The following RXFP1 variants were observed in gnomAD, a reference collection of about 807,000 sequenced individuals.
The protein encoded by RXFP1 is relaxin family peptide receptor 1.
RXFP1 carries 73 observed loss-of-function variants against 89.8 expected under a neutral mutation model. The observed-to-expected ratio is 0.81, with a 90% CI of 0.67 to 0.99. RXFP1 has a LOEUF of 0.99. RXFP1 is among the 50% of genes least tolerant of loss of function. The pLI is 0.00. For missense variants in RXFP1, 793 were observed against 895.5 expected, an observed-to-expected ratio of 0.89 and a Z score of 1.46; for synonymous variants, 277 against 305.5, an observed-to-expected ratio of 0.91 and a Z score of 0.97.
chr4:158,534,920 AT>A (rs1744944291), intron 1 of RXFP1, among the ~76,000 whole-genome samples: 1 of 147,950 alleles, frequency 6.8e-6, no homozygotes, highest in Admixed American at 6.8e-5. Context: ...TAATAAAATA[AT>A]TTATATTGTT....
intron 1 of RXFP1, among the ~76,000 whole-genome samples, chr4:158,535,341 A>T (rs1401804695): frequency 6.6e-6 from 1 of 152,234 alleles, no homozygotes; most frequent in Admixed American, 6.5e-5. Context: ...TAGTAATTCA[A>T]ATCGAGGTTT....
intron 3 of RXFP1, among the ~76,000 whole-genome samples, chr4:158,598,021 T>G (rs1288484120): frequency 6.6e-6 from 1 of 152,102 alleles, no homozygotes; most frequent in Non-Finnish European, 1.5e-5. Flanking sequence ...TCTGGAGATA[T>G]TTGGGAGGAG....
At chr4:158,559,268 T>C (rs1267619425) in intron 1 of RXFP1, among the ~76,000 whole-genome samples, 1 of 152,194 alleles carries the variant, frequency 6.6e-6, no homozygotes, top group Non-Finnish European at 1.5e-5. Context: ...ATCATGCCAC[T>C]GCACTCCAGC....
At chr4:158,538,839 G>T (rs6827201) in intron 1 of RXFP1, among the ~76,000 whole-genome samples, 33,466 of 150,736 alleles carry the variant, frequency 0.22, 5,345 homozygotes, top group African/African-American at 0.44. Flanking sequence ...GTACAAAAAT[G>T]GTCATATAAT....
chr4:158,653,365 A>G lies in RXFP1; in HGVS notation c.*1310A>G, dbSNP rs1348403068. On this transcript the variant is annotated 3_prime_UTR_variant, in exon 18 of 18. Coordinates refer to ENST00000307765, the MANE Select transcript of RXFP1 (RefSeq NM_021634.4). ...AAAATAAATTATCTGAAATTTAACT[A>G]TTAAAAATGGATTGCTTCGGGGTTT... is the stretch of plus-strand genomic sequence containing the variant. The G allele has an allele frequency of 6.6e-6, 1 of 152,056 alleles. No individual in the cohort carries two copies. Among genetic ancestry groups the G allele is most frequent in the African/African-American group, 2.4e-5 (1 of 41,300 alleles). 9.4% of individuals were successfully genotyped at this position (152,056 alleles called of 1,614,324 possible).
intron 4 of RXFP1, among the ~76,000 whole-genome samples, chr4:158,600,468 C>T (rs1374858548): frequency 1.3e-5 from 2 of 152,134 alleles, no homozygotes; most frequent in Admixed American, 1.3e-4. Flanking sequence ...AAAAGAAGAG[C>T]TCTTCAGCAT....
At chr4:158,561,584 T>C (rs1453812902) in intron 1 of RXFP1, among the ~76,000 whole-genome samples, 1 of 151,958 alleles carries the variant, frequency 6.6e-6, no homozygotes, top group Non-Finnish European at 1.5e-5. Context: ...TTTCCAAGCA[T>C]TTTGAATAAG....
chr4:158,555,463 T>C (rs963318783), intron 1 of RXFP1, among the ~76,000 whole-genome samples: 4 of 152,228 alleles, frequency 2.6e-5, no homozygotes, highest in African/African-American at 9.6e-5. Context: ...TATTTCCCTG[T>C]ACTTGCTCTC....
intron 2 of RXFP1, among the ~76,000 whole-genome samples, chr4:158,579,853 C>G (rs1286626826): frequency 6.6e-6 from 1 of 152,164 alleles, no homozygotes; most frequent in African/African-American, 2.4e-5. Flanking sequence ...CTGGGTTGTG[C>G]TAAACTTGAA....
intron 2 of RXFP1, among the ~76,000 whole-genome samples, chr4:158,579,500 G>A (rs1483356765): frequency 3.3e-5 from 5 of 152,230 alleles, no homozygotes; most frequent in African/African-American, 1.2e-4. Flanking sequence ...TCTTGACCTC[G>A]TGATCCGCCC....
chr4:158,564,736 T>A (rs1753193230), intron 1 of RXFP1, among the ~76,000 whole-genome samples: 1 of 152,224 alleles, frequency 6.6e-6, no homozygotes, highest in African/African-American at 2.4e-5. Context: ...TTCTAGGAAC[T>A]ATTACTTCTG....
At position 158,572,757 on chromosome 4, in the gene RXFP1, A is replaced by G; in HGVS notation, c.109A>G (p.Ile37Val). The change falls in exon 2 of 18, where the codon ATC (isoleucine) becomes GTC (valine). Residue 37 changes from isoleucine (I) to valine (V), a missense_variant. Transcript: ENST00000307765. ...CSLGYFPCGNITKCLPQLLHC... is the reference protein window; with the variant it reads ...CSLGYFPCGNVTKCLPQLLHC... ...CCTTGGCTATTTCCCCTGTGGGAACATCACAAAGTGCTTGCCTCAGCTCCT... is the reference window on the plus strand; with the variant it reads ...CCTTGGCTATTTCCCCTGTGGGAACGTCACAAAGTGCTTGCCTCAGCTCCT... 6.2e-7 allele frequency: 1 copy of G among 1,614,194 alleles called. No homozygotes were observed. The highest frequency in any genetic ancestry group is 1.6e-4 in the Middle Eastern group (1 of 6,062).
intron 12 of RXFP1, among the ~76,000 whole-genome samples, chr4:158,636,263 C>T (rs1769133762): frequency 6.6e-6 from 1 of 152,082 alleles, no homozygotes; most frequent in Admixed American, 6.6e-5. Flanking sequence ...CCTTTAAAGT[C>T]TACTTTTCAT....
At chr4:158,532,298 A>G (rs1579370879) in intron 1 of RXFP1, among the ~76,000 whole-genome samples, 1 of 152,036 alleles carries the variant, frequency 6.6e-6, no homozygotes, top group Admixed American at 6.6e-5. Context: ...GTAGTATTCC[A>G]TGGTACCATA....
At chr4:158,563,183 C>G (rs773119204) in intron 1 of RXFP1, among the ~76,000 whole-genome samples, 1 of 152,114 alleles carries the variant, frequency 6.6e-6, no homozygotes, top group Non-Finnish European at 1.5e-5. Context: ...GATTATTTCC[C>G]AGAAGTTTCA....
intron 2 of RXFP1, among the ~76,000 whole-genome samples, chr4:158,577,852 A>G (rs1435497215): frequency 6.6e-6 from 1 of 152,166 alleles, no homozygotes; most frequent in Non-Finnish European, 1.5e-5. Flanking sequence ...AAGTACTCTT[A>G]TTTAGTACAT....
At chr4:158,627,498 C>G (rs898472711) in intron 10 of RXFP1, among the ~76,000 whole-genome samples, 3 of 128,052 alleles carry the variant, frequency 2.3e-5, no homozygotes, top group Non-Finnish European at 1.6e-5. Context: ...GTTTCATGAG[C>G]CTTAGGGTGT....
At chr4:158,581,119 T>G (rs1453262460) in intron 2 of RXFP1, among the ~76,000 whole-genome samples, 1 of 152,212 alleles carries the variant, frequency 6.6e-6, no homozygotes, top group African/African-American at 2.4e-5. Flanking sequence ...CACTATATTC[T>G]AACCCTCCTA....
At chr4:158,554,318 C>T (rs966673247) in intron 1 of RXFP1, among the ~76,000 whole-genome samples, 1 of 152,016 alleles carries the variant, frequency 6.6e-6, no homozygotes, top group African/African-American at 2.4e-5. Context: ...TCTTTAAAAG[C>T]AAGTCAAATT....
Sources: allele counts gnomAD v4.1 joint callset (sites outside exome capture counted in the v4.1 genomes callset), GRCh38; gene constraint gnomAD v4.1.1; transcripts MANE v1.5; gene names NCBI Gene and HGNC (gene_info 2026-07-23, HGNC 2026-07-21).